The following NKAIN2 variants were observed in gnomAD, a reference collection of about 807,000 sequenced individuals.
The protein encoded by NKAIN2 is sodium/potassium transporting ATPase interacting 2, also known as sodium/potassium-transporting ATPase subunit beta-1-interacting protein 2.
NKAIN2 carries 14 observed loss-of-function variants against 32.6 expected under a neutral mutation model. The ratio of observed to expected loss-of-function variants is 0.43; its 90% CI spans 0.28 to 0.67. The LOEUF (loss-of-function observed/expected upper bound fraction) is 0.67, where lower values mean the gene tolerates loss of function less well. Ranked by LOEUF, NKAIN2 falls within the 30% of genes least tolerant of loss-of-function variation. NKAIN2 has a pLI of 0.17. For missense variants in NKAIN2, 198 were observed against 258.3 expected, an observed-to-expected ratio of 0.77 and a Z score of 1.60; for synonymous variants, 80 against 87.2, an observed-to-expected ratio of 0.92 and a Z score of 0.46.
At chr6:124,798,533 T>G (rs1279044447) in intron 5 of NKAIN2, among the ~76,000 whole-genome samples, 1 of 152,134 alleles carries the variant, frequency 6.6e-6, no homozygotes. Context: ...CACTAATCTC[T>G]CACTATGCCT....
At chr6:124,803,976 C>T (rs976944026) in intron 5 of NKAIN2, among the ~76,000 whole-genome samples, 7 of 152,116 alleles carry the variant, frequency 4.6e-5, no homozygotes, top group African/African-American at 1.2e-4. Flanking sequence ...AATAACCCTT[C>T]GAAGCTGAAA....
intron 1 of NKAIN2, among the ~76,000 whole-genome samples, chr6:124,048,047 C>A (rs532671978): frequency 6.6e-6 from 1 of 152,056 alleles, no homozygotes; most frequent in Admixed American, 6.6e-5. Context: ...TAGTCTTTGG[C>A]ATGTTTTATA....
At chr6:123,826,074 C>G (rs1774135107) in intron 1 of NKAIN2, among the ~76,000 whole-genome samples, 1 of 152,006 alleles carries the variant, frequency 6.6e-6, no homozygotes, top group Non-Finnish European at 1.5e-5. Context: ...TGGGGTGATC[C>G]CATTCTATGG....
At chr6:124,657,753 T>G (rs1319363027) in intron 3 of NKAIN2, among the ~76,000 whole-genome samples, 4 of 151,742 alleles carry the variant, frequency 2.6e-5, no homozygotes, top group African/African-American at 4.8e-5. Context: ...GAAGTATAGC[T>G]TTAAGATTTA....
At chr6:123,806,224 G>A (rs1472262669) in intron 1 of NKAIN2, among the ~76,000 whole-genome samples, 1 of 152,118 alleles carries the variant, frequency 6.6e-6, no homozygotes, top group Admixed American at 6.5e-5. Context: ...AGACGTAGCT[G>A]TAATACAGAA....
chr6:124,394,202 A>G (rs1773262290), intron 3 of NKAIN2, among the ~76,000 whole-genome samples: 1 of 152,036 alleles, frequency 6.6e-6, no homozygotes, highest in African/African-American at 2.4e-5. Flanking sequence ...ACTTTGGGCA[A>G]ATCATGTGAA....
chr6:124,519,768 A>C (rs142579342), intron 3 of NKAIN2, among the ~76,000 whole-genome samples: 1 of 152,350 alleles, frequency 6.6e-6, no homozygotes, highest in Admixed American at 6.5e-5. Flanking sequence ...GAACATTGGC[A>C]ATTCTATTTT....
intron 3 of NKAIN2, among the ~76,000 whole-genome samples, chr6:124,414,273 T>C (rs1310499770): frequency 1.3e-5 from 2 of 152,204 alleles, no homozygotes; most frequent in Non-Finnish European, 2.9e-5. Context: ...ATGTTTTTTC[T>C]TCACTTATTA....
At chr6:124,623,615 A>C (rs2114266314) in intron 3 of NKAIN2, among the ~76,000 whole-genome samples, 1 of 152,276 alleles carries the variant, frequency 6.6e-6, no homozygotes, top group South Asian at 2.1e-4. Context: ...AGTGACAGAA[A>C]CCCAACTCAA....
intron 1 of NKAIN2, among the ~76,000 whole-genome samples, chr6:124,143,907 ATATAAC>A (rs1226763925): frequency 1.3e-5 from 2 of 152,340 alleles, no homozygotes; most frequent in East Asian, 3.9e-4. Context: ...TTAGGCTTGT[ATATAAC>A]TATAACTAAA....
chr6:124,115,371 A>G (rs1343913873), intron 1 of NKAIN2, among the ~76,000 whole-genome samples: 2 of 152,164 alleles, frequency 1.3e-5, no homozygotes, highest in Non-Finnish European at 2.9e-5. Flanking sequence ...CTTAAATGTC[A>G]TGTGCCTTCA....
At chr6:123,842,752 C>A (rs530263688) in intron 1 of NKAIN2, among the ~76,000 whole-genome samples, 1 of 151,812 alleles carries the variant, frequency 6.6e-6, no homozygotes, top group Admixed American at 6.6e-5. Flanking sequence ...TGTTCTGAAA[C>A]TAGGAACAGC....
At chr6:124,153,456 G>C (rs1458696465) in intron 1 of NKAIN2, among the ~76,000 whole-genome samples, 3 of 150,946 alleles carry the variant, frequency 2.0e-5, no homozygotes, top group Non-Finnish European at 4.4e-5. Flanking sequence ...ATAACTTGAG[G>C]GATAATTAAC....
chr6:124,497,892 A>T (rs921280887), intron 3 of NKAIN2, among the ~76,000 whole-genome samples: 1 of 151,758 alleles, frequency 6.6e-6, no homozygotes, highest in African/African-American at 2.4e-5. Flanking sequence ...AAAGATTCAA[A>T]ATTCTTCAAA....
At chr6:123,896,031 A>G (rs1442024980) in intron 1 of NKAIN2, among the ~76,000 whole-genome samples, 1 of 152,204 alleles carries the variant, frequency 6.6e-6, no homozygotes, top group Non-Finnish European at 1.5e-5. Flanking sequence ...ATTTCGCCTG[A>G]TGTTCTATTA....
At chr6:124,641,645 G>A (rs1185860634) in intron 3 of NKAIN2, among the ~76,000 whole-genome samples, 6 of 139,814 alleles carry the variant, frequency 4.3e-5, no homozygotes, top group African/African-American at 1.3e-4. Flanking sequence ...TCCGCCTCCT[G>A]GGCTAAAGCG....
chr6:124,162,013 G>A (rs1415548010), intron 1 of NKAIN2, among the ~76,000 whole-genome samples: 2 of 151,994 alleles, frequency 1.3e-5, no homozygotes, highest in African/African-American at 4.8e-5. Context: ...AGTTTAACAG[G>A]GATTGTAAGT....
chr6:124,539,584 A>G (rs1334691924), intron 3 of NKAIN2, among the ~76,000 whole-genome samples: 3 of 152,216 alleles, frequency 2.0e-5, no homozygotes, highest in African/African-American at 7.2e-5. Flanking sequence ...AAAACAAGTA[A>G]GAAGAATTTT....
chr6:123,986,546 CTG>C (rs1779147369), intron 1 of NKAIN2, among the ~76,000 whole-genome samples: 1 of 152,120 alleles, frequency 6.6e-6, no homozygotes, highest in Non-Finnish European at 1.5e-5. Context: ...TGAGCCGACT[CTG>C]TATCTGTGGT....
Sources: gnomAD v4.1 joint callset for allele counts (sites outside exome capture counted in the v4.1 genomes callset) on GRCh38, gnomAD v4.1.1 for gene constraint, MANE v1.5 for transcripts, NCBI Gene and HGNC (gene_info 2026-07-23, HGNC 2026-07-21) for gene names.